Variants in ANKS1B observed in about 807,000 individuals in gnomAD.
ANKS1B encodes ankyrin repeat and sterile alpha motif domain containing 1B.
ANKS1B carries 36 observed loss-of-function variants against 148.3 expected under a neutral mutation model. The observed-to-expected ratio is 0.24, with a 90% CI of 0.19 to 0.32. ANKS1B has a LOEUF of 0.32. Among genes scored for constraint, ANKS1B ranks in the 10% least tolerant of loss-of-function variants. The probability of loss-of-function intolerance (pLI) is 1.00; values close to 1 mark genes in which losing one functional copy is unlikely to be tolerated. For synonymous variants in ANKS1B, 542 were observed against 560.8 expected (o/e 0.97, Z 0.47); for missense variants, 1,157 against 1,542.6 (o/e 0.75, Z 4.19).
At chr12:99,657,896 T>TAA (rs2098457609) in intron 8 of ANKS1B, among the ~76,000 whole-genome samples, 1 of 41,448 alleles carries the variant, frequency 2.4e-5, no homozygotes, top group East Asian at 8.1e-4. Context: ...TTCTCCTCCC[T>TAA]CAAAAAAAAA....
intron 9 of ANKS1B, among the ~76,000 whole-genome samples, chr12:99,560,640 T>C (rs117439533): frequency 0.017 from 2,650 of 152,260 alleles, 42 homozygotes; most frequent in Admixed American, 0.032. Flanking sequence ...TAGTGTGCAA[T>C]AGCATTATAT....
intron 15 of ANKS1B, among the ~76,000 whole-genome samples, chr12:99,140,713 C>A (rs2070392376): frequency 6.6e-6 from 1 of 152,130 alleles, no homozygotes; most frequent in Admixed American, 6.6e-5. Flanking sequence ...CAATTCTGTG[C>A]CTTAAAGTGC....
At chr12:99,056,214 T>C (rs1012028182) in intron 16 of ANKS1B, among the ~76,000 whole-genome samples, 1 of 152,190 alleles carries the variant, frequency 6.6e-6, no homozygotes, top group African/African-American at 2.4e-5. Context: ...AGATTATAAC[T>C]CTTAATTAAA....
chr12:99,842,373 A>G (rs1243482552), intron 1 of ANKS1B, among the ~76,000 whole-genome samples: 1 of 152,130 alleles, frequency 6.6e-6, no homozygotes, highest in Non-Finnish European at 1.5e-5. Context: ...GTTATGTTAC[A>G]TGTGACAAAA....
At chr12:98,851,458 C>T (rs182245440) in intron 17 of ANKS1B, among the ~76,000 whole-genome samples, 1 of 152,250 alleles carries the variant, frequency 6.6e-6, no homozygotes, top group Admixed American at 6.5e-5. Context: ...CAGACGTGTG[C>T]AAGGACACAA....
intron 15 of ANKS1B, among the ~76,000 whole-genome samples, chr12:99,108,374 C>T (rs1043231682): frequency 1.3e-5 from 2 of 152,134 alleles, no homozygotes; most frequent in Admixed American, 6.5e-5. Flanking sequence ...GTAGTCAGCA[C>T]AGTAACTAAC....
At chr12:99,676,610 T>G (rs2098573877) in intron 8 of ANKS1B, among the ~76,000 whole-genome samples, 1 of 152,256 alleles carries the variant, frequency 6.6e-6, no homozygotes, top group Non-Finnish European at 1.5e-5. Flanking sequence ...TCATGACATG[T>G]ATTAAAATAA....
chr12:98,986,000 T>C (rs1159888724), intron 17 of ANKS1B, among the ~76,000 whole-genome samples: 2 of 152,198 alleles, frequency 1.3e-5, no homozygotes, highest in East Asian at 1.9e-4. Context: ...TTGCTGGTTA[T>C]AGAATTCAGA....
chr12:99,073,683 A>C (rs2046959500), intron 16 of ANKS1B, among the ~76,000 whole-genome samples: 1 of 152,118 alleles, frequency 6.6e-6, no homozygotes, highest in Non-Finnish European at 1.5e-5. Context: ...TGGTCCATGG[A>C]GGCTGCAAAA....
intron 17 of ANKS1B, among the ~76,000 whole-genome samples, chr12:99,042,335 G>A (rs1049087769): frequency 6.6e-6 from 1 of 152,110 alleles, no homozygotes; most frequent in African/African-American, 2.4e-5. Flanking sequence ...ACATGTCTGC[G>A]ATAGCATACT....
intron 9 of ANKS1B, among the ~76,000 whole-genome samples, chr12:99,544,697 CA>C (rs1252394977): frequency 3.3e-5 from 5 of 152,078 alleles, no homozygotes; most frequent in Non-Finnish European, 7.4e-5. Context: ...GTGACAAGAG[CA>C]ATTGTTCCCA....
intron 19 of ANKS1B, among the ~76,000 whole-genome samples, chr12:98,811,116 T>C (rs1357556488): frequency 6.6e-6 from 1 of 152,238 alleles, no homozygotes; most frequent in African/African-American, 2.4e-5. Flanking sequence ...CCATGTGCTC[T>C]ACGTAGCAGC....
At chr12:99,975,170 T>C (rs1475032282) in intron 1 of ANKS1B, among the ~76,000 whole-genome samples, 2 of 152,080 alleles carry the variant, frequency 1.3e-5, no homozygotes, top group African/African-American at 4.8e-5. Flanking sequence ...ATGGAAGAAT[T>C]ACCACCTGTA....
chr12:98,850,762 C>T lies in ANKS1B; in HGVS notation c.2779-18626G>A, dbSNP rs572861043. Among the ~76,000 whole-genome samples the T allele has an allele frequency of 1.7e-3, 256 of 147,122 alleles. 2 individuals are homozygous for T. The highest frequency in any genetic ancestry group is 5.9e-3 in the African/African-American group (232 of 39,614). On this transcript the variant is annotated intron_variant, in intron 17 of 26. Transcript: ENST00000683438. ...GATTACAGGCGTGAGCCACCGCACC[C>T]GGCCCAGAGAGGCAATTTTTAAGAT...
intron 4 of ANKS1B, among the ~76,000 whole-genome samples, chr12:99,805,765 T>A (rs1188532704): frequency 6.6e-6 from 1 of 151,926 alleles, no homozygotes; most frequent in Non-Finnish European, 1.5e-5. Context: ...TCACACCTTT[T>A]CCATTTTTTT....
intron 17 of ANKS1B, among the ~76,000 whole-genome samples, chr12:99,007,971 C>G (rs564030403): frequency 6.6e-6 from 1 of 151,378 alleles, no homozygotes; most frequent in Non-Finnish European, 1.5e-5. Flanking sequence ...GCTGTCCAAG[C>G]CCCCCCACCC....
rs113627438 is a variant in ANKS1B, at chr12:99,838,238, G to C, written c.135-12849C>G. 2.0e-3 allele frequency among the ~76,000 whole-genome samples: 297 copies of C among 152,234 alleles called. 1 individual carries two copies. The highest frequency in any genetic ancestry group is 6.9e-3 in the African/African-American group (287 of 41,542). On this transcript the variant is annotated intron_variant, in intron 1 of 26. Transcript: ENST00000683438. ...TGTCAATAGTGCAATAAACATACAA[G>C]TGCAAGTATCTTTTTGCTACAATTA...
At chr12:99,816,664 A>C (rs921623205) in intron 2 of ANKS1B, among the ~76,000 whole-genome samples, 12 of 151,900 alleles carry the variant, frequency 7.9e-5, no homozygotes, top group Admixed American at 2.6e-4. Context: ...TGAAATATAA[A>C]GTTGTATCCC....
chr12:99,142,607 G>A (rs1444406541), intron 15 of ANKS1B, among the ~76,000 whole-genome samples: 1 of 152,082 alleles, frequency 6.6e-6, no homozygotes, highest in Non-Finnish European at 1.5e-5. Flanking sequence ...CTGCCTCCAA[G>A]ATAATTGAGA....
Sources: gnomAD v4.1 joint callset for allele counts (sites outside exome capture counted in the v4.1 genomes callset) on GRCh38, gnomAD v4.1.1 for gene constraint, MANE v1.5 for transcripts, NCBI Gene and HGNC (gene_info 2026-07-23, HGNC 2026-07-21) for gene names.